Variants in DRAM1 observed in about 807,000 individuals in gnomAD.
DRAM1 encodes DNA damage regulated autophagy modulator 1.
A neutral mutation model predicts 28.5 loss-of-function variants in DRAM1; 25 were observed. The ratio of observed to expected loss-of-function variants is 0.88; its 90% CI spans 0.64 to 1.23. DRAM1 has a LOEUF of 1.23. DRAM1 is among the 50% of genes most tolerant of loss of function. The pLI is 0.00. For missense variants in DRAM1, 249 were observed against 299.2 expected, an observed-to-expected ratio of 0.83 and a Z score of 1.24; for synonymous variants, 113 against 114.2, an observed-to-expected ratio of 0.99 and a Z score of 0.07.
rs1594300204 is a variant in DRAM1 at position 101,897,796 on chromosome 12, A to G, written c.132-67A>G. ...AAACAGAATATAAAACTCGCCAATT[A>G]CGTGTCTTCCCAGAGGTCTGGACAG... On this transcript the variant is annotated intron_variant, in intron 1 of 6. Transcript: ENST00000258534. 5.3e-6 allele frequency: 6 copies of G among 1,135,050 alleles called. No individual in the cohort carries two copies. In the East Asian group the frequency reaches 9.5e-5, roughly 18 times the overall value. 70.3% of individuals were successfully genotyped at this position (1,135,050 alleles called of 1,614,324 possible).
chr12:101,907,742 A>AAAC (rs776870230), intron 3 of DRAM1, among the ~76,000 whole-genome samples: 2 of 152,196 alleles, frequency 1.3e-5, no homozygotes, highest in Admixed American at 6.5e-5. Context: ...TCTGTCTCAA[A>AAAC]AACAACAACA....
rs934894451 is a variant in DRAM1, at chr12:101,877,585, G to A, written c.-205G>A. 8.9e-5 allele frequency: 26 copies of A among 292,860 alleles called. No individual in the cohort carries two copies. Among genetic ancestry groups the A allele is most frequent in the Admixed American group, 1.6e-4 (3 of 19,016 alleles). 18.1% of individuals were successfully genotyped at this position (292,860 alleles called of 1,614,324 possible). On this transcript the variant is annotated 5_prime_UTR_variant, in exon 1 of 7. Transcript: ENST00000258534. The surrounding 1 kb of genome is among the most constrained non-coding windows in gnomAD (Gnocchi z 4.1). ...GGGCAGCCCGCGCCCCACCCACTCT[G>A]GCCCGGCAGCCTCGCCGCCCGCAGC... is the stretch of plus-strand genomic sequence containing the variant.
intron 1 of DRAM1, among the ~76,000 whole-genome samples, chr12:101,879,067 T>G (rs898157718): frequency 1.3e-5 from 2 of 152,110 alleles, no homozygotes; most frequent in African/African-American, 4.8e-5. Context: ...CAATCTCGGC[T>G]CACCGCAACC....
intron 4 of DRAM1, among the ~76,000 whole-genome samples, chr12:101,913,661 G>T (rs1409212137): frequency 1.4e-5 from 2 of 142,364 alleles, no homozygotes; most frequent in Non-Finnish European, 3.0e-5. Context: ...AGCTGAGATC[G>T]CGCCATTGCA....
Position 101,908,179 on chromosome 12 carries a change from T to C in DRAM1, c.343-7T>C. The C allele has an allele frequency of 1.3e-6, 2 of 1,599,616 alleles. No homozygotes were observed. Among genetic ancestry groups the C allele is most frequent in the East Asian group, 2.2e-5 (1 of 44,760 alleles). ...AGAGTAACACACATTTATGACTTTTTCTCCAGGAGTTAGCTGTGCCAGTGG... is the reference window on the plus strand; with the variant it reads ...AGAGTAACACACATTTATGACTTTTCCTCCAGGAGTTAGCTGTGCCAGTGG... On this transcript the variant is annotated splice_region_variant and splice_polypyrimidine_tract_variant and intron_variant, in intron 3 of 6. Coordinates refer to ENST00000258534, the MANE Select transcript of DRAM1 (RefSeq NM_018370.3).
chr12:101,908,218 C>T lies in DRAM1; in HGVS notation c.375C>T (p.Gly125=), dbSNP rs1873896205. 4.3e-6 allele frequency: 7 copies of T among 1,612,058 alleles called. No individual in the cohort carries two copies. The highest frequency in any genetic ancestry group is 5.9e-6 in the Non-Finnish European group (7 of 1,179,400). Residue 125 remains glycine, a synonymous_variant, in exon 4 of 7, where the codon GGC becomes GGT. Coordinates refer to ENST00000258534, the MANE Select transcript of DRAM1 (RefSeq NM_018370.3). ...CTGTGCCAGTGGTTCATGACGGGGG[C>T]GCTCTTTTGGCCTTTGTCTGTGGTG... ...ELAVPVVHDG[G]ALLAFVCGVV... is the part of the protein sequence containing the mutation.
At chr12:101,887,538 C>T (rs7968055) in intron 1 of DRAM1, among the ~76,000 whole-genome samples, 97,827 of 148,744 alleles carry the variant, frequency 0.66, 33,731 homozygotes, top group East Asian at 0.91. Context: ...TTTTCTTTTT[C>T]TTTTTTTTTT....
intron 1 of DRAM1, among the ~76,000 whole-genome samples, chr12:101,878,365 G>A (rs1255226407): frequency 2.6e-5 from 4 of 152,168 alleles, no homozygotes; most frequent in African/African-American, 4.8e-5. Context: ...TCCCGCAAGC[G>A]AGCGGTGGTG....
At chr12:101,917,920 G>A (rs1874321081) in intron 5 of DRAM1, among the ~76,000 whole-genome samples, 1 of 152,140 alleles carries the variant, frequency 6.6e-6, no homozygotes, top group Non-Finnish European at 1.5e-5. Context: ...CAGCCACTCG[G>A]GGGAGACCTT....
chr12:101,886,323 T>A (rs1255480318), intron 1 of DRAM1, among the ~76,000 whole-genome samples: 1 of 152,220 alleles, frequency 6.6e-6, no homozygotes, highest in African/African-American at 2.4e-5. Context: ...TTTGGACAGG[T>A]TACTTGACTT....
chr12:101,910,422 A>C (rs1355124590), intron 4 of DRAM1, among the ~76,000 whole-genome samples: 1 of 152,126 alleles, frequency 6.6e-6, no homozygotes, highest in Non-Finnish European at 1.5e-5. Context: ...GAGTTTTCAC[A>C]AAATAAGCAT....
intron 5 of DRAM1, among the ~76,000 whole-genome samples, chr12:101,915,565 G>C (rs1377889792): frequency 6.7e-6 from 1 of 148,480 alleles, no homozygotes; most frequent in Non-Finnish European, 1.5e-5. Context: ...TTTTTGAGAC[G>C]GAGTTTCGCC....
At chr12:101,920,066 G>A (rs1039135338) in intron 5 of DRAM1, 43 bp from the exon 6 acceptor site, 27 of 1,395,884 alleles carry the variant, frequency 1.9e-5, no homozygotes, top group South Asian at 2.6e-5. Flanking sequence ...ACATTAAAGT[G>A]AGTCTTTTTC....
chr12:101,895,186 GTTTT>G (rs574722379), intron 1 of DRAM1, among the ~76,000 whole-genome samples: 82 of 75,722 alleles, frequency 1.1e-3, no homozygotes, highest in African/African-American at 2.2e-3. Context: ...AACCCTTCAG[GTTTT>G]TTTTTTTTTT....
chr12:101,915,050 A>G (rs149965541), intron 5 of DRAM1, among the ~76,000 whole-genome samples: 7,024 of 143,884 alleles, frequency 0.049, 551 homozygotes, highest in African/African-American at 0.17. Flanking sequence ...CACAATCTTG[A>G]CTCAGTGCAA....
rs897771520 is a variant in DRAM1, at chr12:101,878,862, AT to A, written c.131+944del. Among the ~76,000 whole-genome samples, 126 of 150,868 alleles carry A rather than the reference AT, an allele frequency of 8.4e-4. No homozygotes were observed. In the Middle Eastern group the frequency reaches 0.031, roughly 37 times the overall value. On this transcript the variant is annotated intron_variant, in intron 1 of 6. Transcript: ENST00000258534. ...GTAGGGCGTCTTCTTCCCTGCAGCC[AT>A]TCTGTCTGGTGAGCAATGTTCTGTG... is the stretch of plus-strand genomic sequence containing the variant.
intron 1 of DRAM1, among the ~76,000 whole-genome samples, chr12:101,897,536 G>T (rs67382206): frequency 0.078 from 3,366 of 43,358 alleles, 128 homozygotes; most frequent in African/African-American, 0.25. Flanking sequence ...TTTTGTTTTT[G>T]TTTTTCTTTT....
At chr12:101,920,650 A>G (rs4764846) in intron 6 of DRAM1, among the ~76,000 whole-genome samples, 16,652 of 152,212 alleles carry the variant, frequency 0.11, 1,266 homozygotes, top group African/African-American at 0.22. Flanking sequence ...GGTGGTTCAC[A>G]TCTGTAATCC....
At chr12:101,892,695 T>G (rs1214252150) in intron 1 of DRAM1, among the ~76,000 whole-genome samples, 1 of 152,254 alleles carries the variant, frequency 6.6e-6, no homozygotes, top group African/African-American at 2.4e-5. Context: ...AAATTGGTAC[T>G]GCTTTGTCAC....
Sources: gnomAD v4.1 joint callset for allele counts (sites outside exome capture counted in the v4.1 genomes callset) on GRCh38, gnomAD v4.1.1 for gene constraint, Gnocchi (gnomAD v3.1) non-coding constraint, MANE v1.5 for transcripts, NCBI Gene and HGNC (gene_info 2026-07-23, HGNC 2026-07-21) for gene names.